The following UGT1A10 variants were observed in gnomAD, a reference collection of about 807,000 sequenced individuals.
UGT1A10 encodes UDP-glucuronosyltransferase 1A10.
UGT1A10 carries 49 observed loss-of-function variants against 45.8 expected under a neutral mutation model. The observed-to-expected ratio is 1.07, with a 90% CI of 0.85 to 1.36. The LOEUF is 1.36. Ranked by LOEUF, UGT1A10 falls within the 40% of genes most tolerant of loss-of-function variation. The pLI, the probability that UGT1A10 is intolerant of heterozygous loss-of-function variation, is 0.00. For synonymous variants in UGT1A10, 284 were observed against 249.7 expected, an observed-to-expected ratio of 1.14 and a Z score of -1.29; for missense variants, 745 against 668.6, an observed-to-expected ratio of 1.11 and a Z score of -1.26.
At chr2:233,665,581 G>A (rs2074058636) in intron 1 of UGT1A10, among the ~76,000 whole-genome samples, 1 of 152,194 alleles carries the variant, frequency 6.6e-6, no homozygotes, top group South Asian at 2.1e-4. Context: ...GGCAAGGTAG[G>A]GCAGGAGAAA....
chr2:233,652,671 A>G (rs2073768132), intron 1 of UGT1A10, among the ~76,000 whole-genome samples: 1 of 152,208 alleles, frequency 6.6e-6, no homozygotes, highest in South Asian at 2.1e-4. Flanking sequence ...AAACCCATAC[A>G]TCCTTGGCCA....
At chr2:233,653,052 T>G (rs948389625) in intron 1 of UGT1A10, among the ~76,000 whole-genome samples, 2 of 152,152 alleles carry the variant, frequency 1.3e-5, no homozygotes, top group Admixed American at 1.3e-4. Context: ...GATGTGCAAG[T>G]AAACATGTAC....
chr2:233,670,942 A>T (rs903880823), intron 1 of UGT1A10, among the ~76,000 whole-genome samples: 1 of 152,180 alleles, frequency 6.6e-6, no homozygotes, highest in Non-Finnish European at 1.5e-5. Context: ...GGCAGTGGGT[A>T]TTGATCTTTT....
intron 1 of UGT1A10, among the ~76,000 whole-genome samples, chr2:233,668,955 A>G (rs1323867070): frequency 2.0e-5 from 3 of 152,334 alleles, no homozygotes; most frequent in East Asian, 1.9e-4. Context: ...CTGGTGAGGT[A>G]TTCTGTAGAA....
chr2:233,713,305 A>G, intron 1 of UGT1A10: 3 of 1,614,274 alleles, frequency 1.9e-6, no homozygotes, highest in Non-Finnish European at 2.5e-6. Context: ...GAAACAGAAC[A>G]TCTTCTGATG....
At chr2:233,740,749 G>A (rs1056795569) in intron 1 of UGT1A10, 15 of 151,730 alleles carry the variant, frequency 9.9e-5, no homozygotes, top group African/African-American at 3.7e-4. Context: ...TTTACACTCT[G>A]AAAACCTTAT....
rs780354743 is a variant in UGT1A10 at position 233,767,874 on chromosome 2, G to A, written c.1013G>A (p.Arg338Gln). Residue 338 changes from arginine to glutamine, a missense_variant, in exon 3 of 5, where the codon CGA becomes CAA. Coordinates refer to ENST00000344644, the MANE Select transcript of UGT1A10 (RefSeq NM_019075.4). ...QTVLWRYTGT[R>Q]PSNLANNTIL... ...GTCCTGTGGCGGTACACTGGAACCC[G>A]ACCATCGAATCTTGCGAACAACACG... 28 of 1,613,980 alleles carry A rather than the reference G, an allele frequency of 1.7e-5. No individual in the cohort carries two copies. Among genetic ancestry groups the A allele is most frequent in the Admixed American group, 1.0e-4 (6 of 59,998 alleles).
chr2:233,640,843 CTA>C (rs2073432236), intron 1 of UGT1A10, among the ~76,000 whole-genome samples: 1 of 152,000 alleles, frequency 6.6e-6, no homozygotes, highest in Non-Finnish European at 1.5e-5. Flanking sequence ...GTCATTGTTG[CTA>C]TGTCAGGGGG....
intron 1 of UGT1A10, among the ~76,000 whole-genome samples, chr2:233,712,244 G>T (rs184398589): frequency 2.0e-5 from 3 of 152,178 alleles, no homozygotes; most frequent in African/African-American, 7.2e-5. Context: ...TCTTTGCTAG[G>T]GTTGTCTTGC....
intron 1 of UGT1A10, among the ~76,000 whole-genome samples, chr2:233,681,530 CAAAAAAAAAAA>C (rs747693860): frequency 2.6e-5 from 2 of 77,710 alleles, no homozygotes; most frequent in Non-Finnish European, 5.1e-5. Context: ...GACTCCATCT[CAAAAAAAAAAA>C]AAAAAAAAAA....
At chr2:233,706,326 T>A (rs559515349) in intron 1 of UGT1A10, among the ~76,000 whole-genome samples, 1 of 152,306 alleles carries the variant, frequency 6.6e-6, no homozygotes, top group East Asian at 1.9e-4. Flanking sequence ...TTGGAACTAT[T>A]CAAGCTGGTG....
chr2:233,760,284 C>T lies in UGT1A10; in HGVS notation c.856-6750C>T, dbSNP rs752018052. On this transcript the variant is annotated intron_variant, in intron 1 of 4. Coordinates refer to ENST00000344644, the MANE Select transcript of UGT1A10 (RefSeq NM_019075.4). ...GGCGAACCTCTGGCAGGAGCAAAGG[C>T]GCCATGGCTGTGGAGTCCCAGGGCG... The T allele has an allele frequency of 5.6e-6, 9 of 1,612,882 alleles. No homozygotes were observed. Among genetic ancestry groups the T allele is most frequent in the Middle Eastern group, 1.9e-4 (1 of 5,180 alleles).
intron 1 of UGT1A10, chr2:233,691,336 A>G (rs2075038677): frequency 1.0e-6 from 1 of 985,408 alleles, no homozygotes; most frequent in Admixed American, 6.1e-5. Context: ...GACTGAGCTG[A>G]GTCTTCGCAT....
intron 1 of UGT1A10, chr2:233,682,443 C>T (rs1480330917): frequency 6.2e-7 from 1 of 1,613,772 alleles, no homozygotes; most frequent in African/African-American, 1.3e-5. Flanking sequence ...GTGGTCTTCG[C>T]CAGGGGAATA....
At chr2:233,746,544 A>G (rs1423478366) in intron 1 of UGT1A10, among the ~76,000 whole-genome samples, 1 of 151,624 alleles carries the variant, frequency 6.6e-6, no homozygotes, top group East Asian at 1.9e-4. Flanking sequence ...CTGCTGTGTG[A>G]CTTCTTAGCC....
chr2:233,760,323 C>G (rs760176104), intron 1 of UGT1A10: 27 of 1,613,844 alleles, frequency 1.7e-5, no homozygotes, highest in Non-Finnish European at 2.3e-5. Flanking sequence ...GCCCACTTGT[C>G]CTGGGCCTGC....
chr2:233,650,218 C>T (rs1381727994), intron 1 of UGT1A10, among the ~76,000 whole-genome samples: 1 of 152,168 alleles, frequency 6.6e-6, no homozygotes. Flanking sequence ...GATCTGCCTG[C>T]CTCGGCCTCC....
At chr2:233,647,517 C>T (rs1290722576) in intron 1 of UGT1A10, among the ~76,000 whole-genome samples, 1 of 152,036 alleles carries the variant, frequency 6.6e-6, no homozygotes, top group East Asian at 1.9e-4. Context: ...AGAACTTTAC[C>T]GTTTTGTTTG....
At chr2:233,765,903 C>A (rs906451235) in intron 1 of UGT1A10, among the ~76,000 whole-genome samples, 6 of 152,044 alleles carry the variant, frequency 3.9e-5, no homozygotes, top group African/African-American at 1.5e-4. Flanking sequence ...ACTGCTCAAA[C>A]CTCTAGGGGA....
Sources: allele counts gnomAD v4.1 joint callset (sites outside exome capture counted in the v4.1 genomes callset), GRCh38; gene constraint gnomAD v4.1.1; transcripts MANE v1.5; gene names NCBI Gene and HGNC (gene_info 2026-07-23, HGNC 2026-07-21).